Variants in CATSPER1 observed in about 807,000 individuals in gnomAD.
CATSPER1 encodes cation channel sperm-associated protein 1.
In CATSPER1, 57 loss-of-function variants were observed where a neutral mutation model predicts 72.7. The ratio of observed to expected loss-of-function variants is 0.78; its 90% confidence interval spans 0.63 to 0.98. The LOEUF is 0.98. Ranked by LOEUF, CATSPER1 falls within the 50% of genes least tolerant of loss-of-function variation. The probability of loss-of-function intolerance (pLI) is 0.00; values close to 1 mark genes in which losing one functional copy is unlikely to be tolerated. For synonymous variants in CATSPER1, 363 were observed against 403.0 expected (o/e 0.90, Z 1.19); for missense variants, 910 against 1,033.9 (o/e 0.88, Z 1.64).
rs1856358267 is a variant in CATSPER1, at chr11:66,021,086, C to T, written c.1783+8G>A. On this transcript the variant is annotated splice_region_variant and intron_variant, in intron 5 of 11. Coordinates refer to ENST00000312106, the MANE Select transcript of CATSPER1 (RefSeq NM_053054.4). The stretch of plus-strand genomic sequence containing the variant: ...GCCCCCACCCCAGCCCCTGCAGCAC[C>T]AGGATACAGAGGCAGGTAAACATGA... The T allele has an allele frequency of 6.2e-7, 1 of 1,611,124 alleles. No homozygotes were observed. The highest frequency in any genetic ancestry group is 8.5e-7 in the Non-Finnish European group (1 of 1,178,908).
rs1176253428 is a variant in CATSPER1 at position 66,020,299 on chromosome 11, T to A, written c.2064+18A>T. The A allele has an allele frequency of 6.2e-7, 1 of 1,614,010 alleles. No individual in the cohort carries two copies. Among genetic ancestry groups the A allele is most frequent in the African/African-American group, 1.3e-5 (1 of 74,922 alleles). ...CCAGCTTCCTGATCTGGTCCACCTG[T>A]CCCACCCCACTCGGTACCTCCTGCT... On this transcript the variant is annotated intron_variant, in intron 8 of 11. Transcript: ENST00000312106. This position sits in a 1 kb window ranked among gnomAD's most constrained non-coding sequence, Gnocchi z 4.5.
At chr11:66,023,569 A>G (rs1310026479) in intron 1 of CATSPER1, among the ~76,000 whole-genome samples, 1 of 151,794 alleles carries the variant, frequency 6.6e-6, no homozygotes, top group Non-Finnish European at 1.5e-5. Flanking sequence ...TTGTGGCCAG[A>G]AGCAATGGCT....
intron 11 of CATSPER1, 62 bp from the exon 12 acceptor site, chr11:66,016,978 A>G: frequency 6.2e-7 from 1 of 1,613,332 alleles, no homozygotes; most frequent in Non-Finnish European, 8.5e-7. Context: ...CCCGATCCCC[A>G]TGGGAGTTAC....
In CATSPER1 at chr11:66,017,193, G is replaced by GGGGGGGGGGGGGGGGCGCC; in HGVS notation, c.2202-20_2202-19insGGCGCCCCCCCCCCCCCCC. ...CTGCTGCCTGCGGGTGGGCGGGGGG[G>GGGGGGGGGGGGGGGGCGCC]TCGCAGAGACAGGGGCTGGGCTGAC... On this transcript the variant is annotated intron_variant, in intron 10 of 11. Transcript: ENST00000312106. 1 of 493,812 alleles carries GGGGGGGGGGGGGGGGCGCC rather than the reference G, an allele frequency of 2.0e-6. No individual in the cohort carries two copies. The highest frequency in any genetic ancestry group is 4.0e-6 in the Non-Finnish European group (1 of 252,618). 30.6% of individuals were successfully genotyped at this position (493,812 alleles called of 1,614,324 possible). A position where few individuals can be genotyped will look rare whatever the true frequency, so the allele number is the denominator to read the frequency against.
chr11:66,017,253 C>T (rs1196062812), intron 10 of CATSPER1, 79 bp from the exon 11 acceptor site: 16 of 1,024,356 alleles, frequency 1.6e-5, no homozygotes, highest in Non-Finnish European at 2.3e-5. Flanking sequence ...CAGAACCACC[C>T]AGAGGCTCTT....
At chr11:66,022,203 G>A (rs1290162083) in intron 2 of CATSPER1, among the ~76,000 whole-genome samples, 1 of 152,150 alleles carries the variant, frequency 6.6e-6, no homozygotes, top group Admixed American at 6.5e-5. Flanking sequence ...AGCTGGGCAT[G>A]GTGGTGGGCA....
At position 66,020,515 on chromosome 11, in the gene CATSPER1, G is replaced by T. The variant is rs766178918; in HGVS notation, c.1991+49C>A. ...GCTGGGGTAAGGGTCCCAGGGGAGA[G>T]GAGGAAGTGTGGGTGGTGCTGGGCA... On this transcript the variant is annotated intron_variant, in intron 7 of 11. Transcript: ENST00000312106. This position sits in a 1 kb window ranked among gnomAD's most constrained non-coding sequence, Gnocchi z 4.5. The T allele has an allele frequency of 1.3e-6, 2 of 1,598,546 alleles. No homozygotes were observed. The highest frequency in any genetic ancestry group is 2.2e-5 in the South Asian group (2 of 90,690).
At chr11:66,023,095 G>GC in intron 1 of CATSPER1, 34 bp from the exon 2 acceptor site, 1 of 1,589,660 alleles carries the variant, frequency 6.3e-7, no homozygotes, top group Non-Finnish European at 8.6e-7. Flanking sequence ...TCAAGTGTGT[G>GC]CAAGAGGGGA....
chr11:66,021,284 G>T, intron 4 of CATSPER1, 99 bp from the exon 5 acceptor site: 2 of 1,319,462 alleles, frequency 1.5e-6, no homozygotes, highest in African/African-American at 2.9e-5. Flanking sequence ...GGAGGCTCCT[G>T]ACTTGTTGGT....
In CATSPER1 at chr11:66,020,164, A is replaced by G. The variant is rs376237533; in HGVS notation, c.2101T>C (p.Ser701Pro). The change falls in exon 9 of 12, where the codon TCA becomes CCA. Residue 701 changes from serine (S) to proline (P), a missense_variant. Physicochemically the swap from Ser to Pro is moderately conservative, Grantham distance 74. Coordinates refer to ENST00000312106, the MANE Select transcript of CATSPER1 (RefSeq NM_053054.4). This position sits in a 1 kb window ranked among gnomAD's most constrained non-coding sequence, Gnocchi z 4.5. ...CCTGCAGCTCTGAGCTCCGTCAGTG[A>G]GTCTTCCAGCAGCTTCTCTTGGATC... ...ARIQEKLLED[S>P]LTELRAAEPK... 5.0e-6 allele frequency: 8 copies of G among 1,613,250 alleles called. No homozygotes were observed. The highest frequency in any genetic ancestry group is 6.8e-6 in the Non-Finnish European group (8 of 1,180,026).
At chr11:66,023,955 T>C (rs896277617) in intron 1 of CATSPER1, among the ~76,000 whole-genome samples, 5 of 151,482 alleles carry the variant, frequency 3.3e-5, no homozygotes, top group African/African-American at 1.2e-4. Context: ...TGTTGTCATA[T>C]TTTGTTTGTT....
In CATSPER1 at chr11:66,025,474, G is replaced by A. The variant is rs1856478653; in HGVS notation, c.906C>T (p.His302=). Residue 302 remains histidine, a synonymous_variant, in exon 1 of 12, where the codon CAC becomes CAT. Coordinates refer to ENST00000312106, the MANE Select transcript of CATSPER1 (RefSeq NM_053054.4). ...QTHRHRDYHQ[H]QDHHGAYHSS... ...AATGATACGCGCCGTGGTGGTCTTG[G>A]TGCTGATGGTAGTCTCGGTGCCGGT... is the stretch of plus-strand genomic sequence containing the variant. 6.2e-7 allele frequency: 1 copy of A among 1,612,994 alleles called. No homozygotes were observed. Among genetic ancestry groups the A allele is most frequent in the Admixed American group, 1.7e-5 (1 of 59,920 alleles).
chr11:66,017,073 T>G lies in CATSPER1; in HGVS notation c.2303A>C (p.Asp768Ala). ...TGCCTGGTTCACCTCAAATGTGGTG[T>G]CCACAATCTCATCGATGACGGCTGC... is the stretch of plus-strand genomic sequence containing the variant. ...SQAAVIDEIV[D>A]TTFEAGEEDF... The change falls in exon 11 of 12, where the codon GAC (aspartate) becomes GCC (alanine). Residue 768 changes from aspartate (D) to alanine (A), a missense_variant. By Grantham distance (126) the Asp-to-Ala change is moderately radical. Transcript: ENST00000312106. 1 of 1,612,820 alleles carries G rather than the reference T, an allele frequency of 6.2e-7. No individual in the cohort carries two copies. The highest frequency in any genetic ancestry group is 8.5e-7 in the Non-Finnish European group (1 of 1,179,586).
At position 66,026,040 on chromosome 11, in the gene CATSPER1, C is replaced by A; in HGVS notation, c.340G>T (p.Asp114Tyr). 2 of 1,613,962 alleles carry A rather than the reference C, an allele frequency of 1.2e-6. No homozygotes were observed. Among genetic ancestry groups the A allele is most frequent in the South Asian group, 2.2e-5 (2 of 91,076 alleles). Residue 114 changes from aspartate to tyrosine, a missense_variant, in exon 1 of 12, where the codon GAC becomes TAC. Physicochemically the swap from Asp to Tyr is radical, Grantham distance 160. Transcript: ENST00000312106. ...TCACGTTGGAGCTCATCATGGTAGT[C>A]CTCACCGTAGGAACGGTGGGAGGGG... ...AVPSHRSYGEDYHDELQRDGR... is the reference protein window; with the variant it reads ...AVPSHRSYGEYYHDELQRDGR...
At chr11:66,018,548 GC>G (rs1453901867) in intron 10 of CATSPER1, among the ~76,000 whole-genome samples, 2 of 152,198 alleles carry the variant, frequency 1.3e-5, no homozygotes, top group East Asian at 3.8e-4. Flanking sequence ...GGTCCCTGGA[GC>G]CCTCACAGGG....
At chr11:66,019,541 T>A (rs1341660367) in intron 9 of CATSPER1, among the ~76,000 whole-genome samples, 3 of 151,946 alleles carry the variant, frequency 2.0e-5, no homozygotes, top group Non-Finnish European at 4.4e-5. Flanking sequence ...CCTCCCAAAG[T>A]GCTGGGATTA....
At chr11:66,022,275 G>A (rs1473483960) in intron 2 of CATSPER1, among the ~76,000 whole-genome samples, 1 of 152,198 alleles carries the variant, frequency 6.6e-6, no homozygotes, top group Non-Finnish European at 1.5e-5. Context: ...GGGAGGCGGA[G>A]GTTGCAGTGA....
At chr11:66,023,278 CAG>C (rs1411719120) in intron 1 of CATSPER1, among the ~76,000 whole-genome samples, 1 of 152,204 alleles carries the variant, frequency 6.6e-6, no homozygotes, top group Non-Finnish European at 1.5e-5. Flanking sequence ...TTGGTAGAAA[CAG>C]GGTTTCAACA....
Position 66,026,136 on chromosome 11 carries a change from T to C in CATSPER1, c.244A>G (p.Ser82Gly), listed in dbSNP as rs201361688. 7.7e-5 allele frequency: 124 copies of C among 1,606,458 alleles called. No individual in the cohort carries two copies. Among genetic ancestry groups the C allele is most frequent in the Non-Finnish European group, 9.7e-5 (114 of 1,173,846 alleles). ...GCTCTGCCGTGATTCCGTGCCTCGCTGTGGTGGTGAGATTGGTGGACATGG... is the reference window on the plus strand; with the variant it reads ...GCTCTGCCGTGATTCCGTGCCTCGCCGTGGTGGTGAGATTGGTGGACATGG... ...SSHVHQSHHH[S>G]EARNHGRAHG... Residue 82 changes from serine (S) to glycine (G), a missense_variant, in exon 1 of 12, where the codon AGC (serine) becomes GGC (glycine). Ser to Gly is a moderately conservative substitution (Grantham distance 56). Coordinates refer to ENST00000312106, the MANE Select transcript of CATSPER1 (RefSeq NM_053054.4).
Sources: gnomAD v4.1 joint callset for allele counts (sites outside exome capture counted in the v4.1 genomes callset) on GRCh38, gnomAD v4.1.1 for gene constraint, Gnocchi (gnomAD v3.1) non-coding constraint, MANE v1.5 for transcripts, NCBI Gene and HGNC (gene_info 2026-07-23, HGNC 2026-07-21) for gene names.